CCDC90B: variants seen among roughly 807,000 people sequenced by gnomAD.
CCDC90B encodes the protein coiled-coil domain-containing protein 90B, mitochondrial.
Under a neutral mutation model 37.0 loss-of-function variants are expected in CCDC90B, and 24 were observed. That is an observed-to-expected ratio of 0.65 (90% CI 0.47 to 0.91). The LOEUF (loss-of-function observed/expected upper bound fraction) is 0.91. Ranked by LOEUF, CCDC90B falls within the 40% of genes least tolerant of loss-of-function variation. The pLI is 0.00. For missense variants in CCDC90B, 319 were observed against 299.0 expected (o/e 1.07, Z -0.49); for synonymous variants, 113 against 101.1 (o/e 1.12, Z -0.71).
Position 83,285,982 on chromosome 11 carries a change from G to A in CCDC90B, c.-10C>T, listed in dbSNP as rs151318595. The A allele has an allele frequency of 6.4e-5, 103 of 1,605,692 alleles. No homozygotes were observed. Among genetic ancestry groups the A allele is most frequent in the Non-Finnish European group, 8.3e-5 (98 of 1,176,034 alleles). On this transcript the variant is annotated 5_prime_UTR_variant, in exon 1 of 9. Transcript: ENST00000529689. ...CCTGGCGACTATTCATGTCCTCAGA[G>A]TTTTCCGGTGGGAGGGAGGCGGAAG...
intron 4 of CCDC90B, 71 bp downstream of exon 4, chr11:83,274,568 C>T (rs557090326): frequency 1.2e-6 from 1 of 862,814 alleles, no homozygotes; most frequent in South Asian, 1.8e-5. Context: ...GTCTTATTAA[C>T]TTATTCCTTA....
Position 83,280,187 on chromosome 11 carries a change from T to G in CCDC90B, c.174A>C (p.Lys58Asn). The change falls in exon 2 of 9, where the codon AAA becomes AAC. Residue 58 changes from lysine to asparagine, a missense_variant. Coordinates refer to ENST00000529689, the MANE Select transcript of CCDC90B (RefSeq NM_021825.5). ...CCAATGCATGGGTATCAAAAGTTAA[T>G]TTCCTTTGTTCTAAAGGAGTTATAT... Reference protein sequence around the residue: ...PVDITPLEQRKLTFDTHALVQ... With the variant: ...PVDITPLEQRNLTFDTHALVQ... 6.2e-7 allele frequency: 1 copy of G among 1,613,254 alleles called. No individual in the cohort carries two copies. The highest frequency in any genetic ancestry group is 8.5e-7 in the Non-Finnish European group (1 of 1,179,796).
intron 1 of CCDC90B, among the ~76,000 whole-genome samples, chr11:83,284,555 G>A (rs969159285): frequency 6.6e-6 from 1 of 152,130 alleles, no homozygotes. Flanking sequence ...CAGAGGTCAA[G>A]GTTTTCAAAT....
At position 83,286,270 on chromosome 11, in the gene CCDC90B, G is replaced by C. The variant is rs964965832; in HGVS notation, c.-298C>G. 210 of 1,371,060 alleles carry C rather than the reference G, an allele frequency of 1.5e-4. No homozygotes were observed. The highest frequency in any genetic ancestry group is 2.0e-4 in the Non-Finnish European group (206 of 1,010,816). The allele number at this position is 1,371,060 out of a possible 1,614,324, so 84.9% of individuals were successfully genotyped here. A position where few individuals can be genotyped will look rare whatever the true frequency, so the allele number is the denominator to read the frequency against. On this transcript the variant is annotated 5_prime_UTR_variant, in exon 1 of 9. Transcript: ENST00000529689. ...AGATCTTGTCAGAGAACCTTCCGGC[G>C]CCTGTTTCCTGGCAGTGGGGCATAG...
rs373524286 is a variant in CCDC90B, at chr11:83,278,800, C to T, written c.250G>A (p.Val84Ile). Residue 84 changes from valine to isoleucine, a missense_variant, in exon 3 of 9, where the codon GTA becomes ATA. Physicochemically the swap from Val to Ile is conservative, Grantham distance 29 (BLOSUM62 3). Transcript: ENST00000529689. ...TTTGATAAAGCAGTTAACGCTGATACAATTGTTTCTGCTTGTGTTTTGTCA... is the reference window on the plus strand; with the variant it reads ...TTTGATAAAGCAGTTAACGCTGATATAATTGTTTCTGCTTGTGTTTTGTCA... ...GFDKTQAETI[V>I]SALTALSNVS... is the part of the protein sequence containing the mutation. 3.1e-6 allele frequency: 5 copies of T among 1,613,524 alleles called. No homozygotes were observed. The highest frequency in any genetic ancestry group is 2.2e-5 in the East Asian group (1 of 44,792).
intron 1 of CCDC90B, chr11:83,285,527 A>AC: frequency 8.6e-7 from 1 of 1,161,528 alleles, no homozygotes; most frequent in Non-Finnish European, 1.1e-6. Flanking sequence ...ACAAAAGAAA[A>AC]CAGGACACCC....
At position 83,286,243 on chromosome 11, in the gene CCDC90B, C is replaced by G; in HGVS notation, c.-271G>C. 1.3e-6 allele frequency: 2 copies of G among 1,487,104 alleles called. No homozygotes were observed. Among genetic ancestry groups the G allele is most frequent in the Non-Finnish European group, 1.8e-6 (2 of 1,107,056 alleles). 92.1% of individuals were successfully genotyped at this position (1,487,104 alleles called of 1,614,324 possible). A position where few individuals can be genotyped will look rare whatever the true frequency, so the allele number is the denominator to read the frequency against. On this transcript the variant is annotated 5_prime_UTR_variant, in exon 1 of 9. Coordinates refer to ENST00000529689, the MANE Select transcript of CCDC90B (RefSeq NM_021825.5). ...GAACGCCTTCACCGCCCTAGGAAAGCGAGATCTTGTCAGAGAACCTTCCGG... is the reference window on the plus strand; with the variant it reads ...GAACGCCTTCACCGCCCTAGGAAAGGGAGATCTTGTCAGAGAACCTTCCGG...
rs942174723 is a variant in CCDC90B at position 83,273,549 on chromosome 11, A to G, written c.594+98T>C. On this transcript the variant is annotated intron_variant, in intron 7 of 8. Transcript: ENST00000529689. ...AGGAAGCCAGAGACTCTACAAGGGT[A>G]GTTTTTAAAAGTCTAAACTTATAAA... 14 of 867,740 alleles carry G rather than the reference A, an allele frequency of 1.6e-5. No individual in the cohort carries two copies. In the East Asian group the frequency reaches 3.7e-4, roughly 23 times the overall value. The allele number at this position is 867,740 out of a possible 1,614,324, so 53.8% of individuals were successfully genotyped here. A position where few individuals can be genotyped will look rare whatever the true frequency, so the allele number is the denominator to read the frequency against.
chr11:83,268,716 A>G (rs1411961350), intron 7 of CCDC90B, among the ~76,000 whole-genome samples: 1 of 152,200 alleles, frequency 6.6e-6, no homozygotes, highest in Non-Finnish European at 1.5e-5. Flanking sequence ...GAAGGTTAAC[A>G]AGGATATCCA....
intron 3 of CCDC90B, among the ~76,000 whole-genome samples, chr11:83,274,957 T>G (rs374435814): frequency 4.1e-4 from 63 of 152,266 alleles, no homozygotes; most frequent in African/African-American, 1.4e-3. Flanking sequence ...AGAGATAAAT[T>G]TGTAGGCCTT....
At chr11:83,262,497 T>G (rs1256299160) in intron 8 of CCDC90B, among the ~76,000 whole-genome samples, 1 of 152,200 alleles carries the variant, frequency 6.6e-6, no homozygotes, top group Admixed American at 6.5e-5. Flanking sequence ...GTTAATATAC[T>G]ACCTGTACTT....
At chr11:83,271,133 T>G (rs1053326347) in intron 7 of CCDC90B, among the ~76,000 whole-genome samples, 28 of 152,284 alleles carry the variant, frequency 1.8e-4, no homozygotes, top group Non-Finnish European at 3.1e-4. Flanking sequence ...TCAAGATGGA[T>G]TAAAGACTTA....
chr11:83,266,661 C>T (rs1864295213), intron 7 of CCDC90B, among the ~76,000 whole-genome samples: 1 of 152,220 alleles, frequency 6.6e-6, no homozygotes, highest in African/African-American at 2.4e-5. Flanking sequence ...CTAGACTCCA[C>T]CTCTGTGGGC....
In CCDC90B at chr11:83,285,989, G is replaced by A. The variant is rs113085394; in HGVS notation, c.-17C>T. The A allele has an allele frequency of 1.4e-5, 23 of 1,602,254 alleles. No individual in the cohort carries two copies. The African/African-American group carries it at 2.5e-4, about 18-fold the overall frequency. On this transcript the variant is annotated 5_prime_UTR_variant, in exon 1 of 9. Coordinates refer to ENST00000529689, the MANE Select transcript of CCDC90B (RefSeq NM_021825.5). ...ACTATTCATGTCCTCAGAGTTTTCC[G>A]GTGGGAGGGAGGCGGAAGACGGGGT... is the stretch of plus-strand genomic sequence containing the variant.
intron 1 of CCDC90B, chr11:83,285,303 C>T (rs773051167): frequency 5.9e-4 from 730 of 1,234,378 alleles, no homozygotes; most frequent in Non-Finnish European, 7.2e-4. Flanking sequence ...AGTTAGATGT[C>T]TTCAGGACAC....
Position 83,286,205 on chromosome 11 carries a change from C to G in CCDC90B, c.-233G>C, listed in dbSNP as rs780539514. ...CGCTGCCCCGCTTCTCCCAGCGCCC[C>G]TTCCCGACCTTTGAACGCCTTCACC... is the stretch of plus-strand genomic sequence containing the variant. On this transcript the variant is annotated 5_prime_UTR_variant, in exon 1 of 9. Coordinates refer to ENST00000529689, the MANE Select transcript of CCDC90B (RefSeq NM_021825.5). 1 of 1,531,450 alleles carries G rather than the reference C, an allele frequency of 6.5e-7. No homozygotes were observed. The highest frequency in any genetic ancestry group is 1.2e-5 in the South Asian group (1 of 83,932). The allele number at this position is 1,531,450 out of a possible 1,614,324, so 94.9% of individuals were successfully genotyped here.
At chr11:83,271,420 C>T (rs1161034173) in intron 7 of CCDC90B, among the ~76,000 whole-genome samples, 2 of 151,410 alleles carry the variant, frequency 1.3e-5, no homozygotes, top group Non-Finnish European at 3.0e-5. Context: ...CTCAAATTTA[C>T]AAGAAAAAAC....
chr11:83,261,943 T>C lies in CCDC90B; in HGVS notation c.733A>G (p.Ile245Val), dbSNP rs1450717053. 11 of 1,602,430 alleles carry C rather than the reference T, an allele frequency of 6.9e-6. No homozygotes were observed. Among genetic ancestry groups the C allele is most frequent in the South Asian group, 2.2e-5 (2 of 89,124 alleles). The change falls in exon 9 of 9, where the codon ATA becomes GTA. Residue 245 changes from isoleucine (I) to valine (V), a missense_variant. Physicochemically the swap from Ile to Val is conservative, Grantham distance 29 (BLOSUM62 3). Coordinates refer to ENST00000529689, the MANE Select transcript of CCDC90B (RefSeq NM_021825.5). ...LAASVFTCLA[I>V]ALGFYRFWK ...CAGAATCTATAAAATCCCAATGCTA[T>C]TGCCAGGCAAGTAAACACCGAAGCT...
Position 83,280,267 on chromosome 11 carries a change from G to C in CCDC90B, c.101-7C>G. 6.2e-7 allele frequency: 1 copy of C among 1,609,566 alleles called. No homozygotes were observed. The highest frequency in any genetic ancestry group is 8.5e-7 in the Non-Finnish European group (1 of 1,178,578). ...GTTGTGGTAGTGAAGAACTCTGAAAGAGAAGACAATTTTTTTCTTTTGTAG... is the reference window on the plus strand; with the variant it reads ...GTTGTGGTAGTGAAGAACTCTGAAACAGAAGACAATTTTTTTCTTTTGTAG... On this transcript the variant is annotated splice_polypyrimidine_tract_variant and splice_region_variant and intron_variant, in intron 1 of 8. Coordinates refer to ENST00000529689, the MANE Select transcript of CCDC90B (RefSeq NM_021825.5).
Sources: allele counts gnomAD v4.1 joint callset (sites outside exome capture counted in the v4.1 genomes callset), GRCh38; gene constraint gnomAD v4.1.1; transcripts MANE v1.5; gene names NCBI Gene and HGNC (gene_info 2026-07-23, HGNC 2026-07-21).